The following COL19A1 variants were observed in gnomAD, a reference collection of about 807,000 sequenced individuals.
The protein encoded by COL19A1 is collagen type XIX alpha 1 chain.
A neutral mutation model predicts 190.2 loss-of-function variants in COL19A1; 159 were observed. The observed-to-expected ratio is 0.84, with a 90% CI of 0.73 to 0.95. The LOEUF (loss-of-function observed/expected upper bound fraction) is 0.95, where lower values mean the gene tolerates loss of function less well. COL19A1 is among the 40% of genes least tolerant of loss of function. COL19A1 has a pLI of 0.00. For synonymous variants in COL19A1, 509 were observed against 458.9 expected, an observed-to-expected ratio of 1.11 and a Z score of -1.39; for missense variants, 1,418 against 1,431.9, an observed-to-expected ratio of 0.99 and a Z score of 0.16.
intron 42 of COL19A1, among the ~76,000 whole-genome samples, chr6:70,179,660 A>G (rs1766039733): frequency 6.6e-6 from 1 of 152,068 alleles, no homozygotes; most frequent in African/African-American, 2.4e-5. Context: ...CCATTTCTCC[A>G]CTCCCAAAGT....
At chr6:70,124,657 A>G (rs1310491217) in intron 17 of COL19A1, among the ~76,000 whole-genome samples, 1 of 152,082 alleles carries the variant, frequency 6.6e-6, no homozygotes, top group Non-Finnish European at 1.5e-5. Context: ...ACCTAAAAGA[A>G]CCCCAGTTAT....
intron 14 of COL19A1, among the ~76,000 whole-genome samples, chr6:70,064,789 C>A (rs1368633330): frequency 7.2e-5 from 11 of 152,128 alleles, no homozygotes; most frequent in African/African-American, 2.7e-4. Flanking sequence ...GTGCAAAAAT[C>A]ACAAGCATTC....
chr6:70,032,680 A>G (rs1409799965), intron 12 of COL19A1, among the ~76,000 whole-genome samples: 1 of 152,122 alleles, frequency 6.6e-6, no homozygotes, highest in South Asian at 2.1e-4. Context: ...AGTGTTTTAT[A>G]TTCATAATAC....
At chr6:69,907,795 G>T (rs118158218) in intron 4 of COL19A1, among the ~76,000 whole-genome samples, 2 of 152,238 alleles carry the variant, frequency 1.3e-5, no homozygotes, top group South Asian at 4.1e-4. Context: ...AATGAATGCA[G>T]TCTAGTCTAG....
chr6:69,989,647 G>A (rs1776510950), intron 11 of COL19A1, among the ~76,000 whole-genome samples: 1 of 149,788 alleles, frequency 6.7e-6, no homozygotes, highest in South Asian at 2.1e-4. Context: ...GCCCAGGGAA[G>A]GCAAAAGATT....
Position 70,141,889 on chromosome 6 carries a change from A to G in COL19A1, c.1483-4A>G. 1 of 1,573,460 alleles carries G rather than the reference A, an allele frequency of 6.4e-7. No homozygotes were observed. The highest frequency in any genetic ancestry group is 8.7e-7 in the Non-Finnish European group (1 of 1,143,744). Reference sequence around the variant, plus strand: ...TACCCTTATAGTAATTATTTTATTTACAGGGAGAACCTGGGGTAATAGGAT... The same window carrying G: ...TACCCTTATAGTAATTATTTTATTTGCAGGGAGAACCTGGGGTAATAGGAT... On this transcript the variant is annotated splice_region_variant and splice_polypyrimidine_tract_variant and intron_variant, in intron 20 of 50. Transcript: ENST00000620364.
intron 16 of COL19A1, among the ~76,000 whole-genome samples, chr6:70,109,969 C>G (rs1784193107): frequency 6.6e-6 from 1 of 152,190 alleles, no homozygotes; most frequent in African/African-American, 2.4e-5. Flanking sequence ...CACTTGTGCC[C>G]CCTTATCCAT....
chr6:70,025,273 G>T (rs1407361147), intron 12 of COL19A1, among the ~76,000 whole-genome samples: 2 of 152,088 alleles, frequency 1.3e-5, no homozygotes, highest in African/African-American at 4.8e-5. Context: ...CTCGTGATCC[G>T]CCCGCGTCGG....
chr6:70,102,039 A>T, intron 15 of COL19A1, 130 bp from the exon 16 acceptor site: 1 of 791,708 alleles, frequency 1.3e-6, no homozygotes, highest in South Asian at 1.7e-5. Context: ...TTTAAAAGTC[A>T]TGTGGAATTG....
chr6:70,171,970 C>G lies in COL19A1; in HGVS notation c.2575C>G (p.Pro859Ala). 6.2e-7 allele frequency: 1 copy of G among 1,612,518 alleles called. No homozygotes were observed. The highest frequency in any genetic ancestry group is 8.5e-7 in the Non-Finnish European group (1 of 1,179,310). ...PKGDPGPVGE[P>A]GAMGLPGLEG... Reference sequence around the variant, plus strand: ...TTATGTTCATATTTAACAGGGAGAGCCTGGTGCAATGGGGTTGCCAGGATT... The same window carrying G: ...TTATGTTCATATTTAACAGGGAGAGGCTGGTGCAATGGGGTTGCCAGGATT... The change falls in exon 41 of 51, where the codon CCT becomes GCT. Residue 859 changes from proline (P) to alanine (A), a missense_variant. Transcript: ENST00000620364.
chr6:70,141,688 T>C (rs1451872508), intron 20 of COL19A1, among the ~76,000 whole-genome samples: 1 of 152,056 alleles, frequency 6.6e-6, no homozygotes, highest in African/African-American at 2.4e-5. Flanking sequence ...AAAATTATTA[T>C]AATGAAGAAA....
rs537685788 is a variant in COL19A1 at position 70,118,465 on chromosome 6, G to A, written c.1279-3415G>A. On this transcript the variant is annotated intron_variant, in intron 16 of 50. Transcript: ENST00000620364. Reference sequence around the variant, plus strand: ...TTTCTAGTCTCTGAAGGGTTCCTTCGGACCGCTAGGAGAGTTTGTATAAAG... The same window carrying A: ...TTTCTAGTCTCTGAAGGGTTCCTTCAGACCGCTAGGAGAGTTTGTATAAAG... 1.5e-3 allele frequency among the ~76,000 whole-genome samples: 222 copies of A among 152,268 alleles called. 1 individual carries two copies. Among genetic ancestry groups the A allele is most frequent in the African/African-American group, 5.1e-3 (213 of 41,560 alleles).
At chr6:70,124,575 G>A (rs527581607) in intron 17 of COL19A1, among the ~76,000 whole-genome samples, 14 of 151,428 alleles carry the variant, frequency 9.2e-5, no homozygotes, top group African/African-American at 3.4e-4. Context: ...AAAAAAATGG[G>A]CACTGACCAG....
At position 70,184,730 on chromosome 6, in the gene COL19A1, G is replaced by A. The variant is rs932966060; in HGVS notation, c.2803G>A (p.Gly935Ser). The part of the protein sequence containing the change: ...PGINGKDGIP[G>S]AQGIMGKPGD... ...AATAAATGGAAAAGATGGAATACCA[G>A]GTGCTCAGGTATGGGAAATATGATT... The change falls in exon 45 of 51, where the codon GGT becomes AGT. Residue 935 changes from glycine (G) to serine (S), a missense_variant. Coordinates refer to ENST00000620364, the MANE Select transcript of COL19A1 (RefSeq NM_001858.6). The A allele has an allele frequency of 4.4e-6, 7 of 1,599,920 alleles. No individual in the cohort carries two copies. Among genetic ancestry groups the A allele is most frequent in the Non-Finnish European group, 5.1e-6 (6 of 1,169,124 alleles).
At chr6:70,043,782 T>C (rs761862077) in intron 14 of COL19A1, among the ~76,000 whole-genome samples, 8 of 152,158 alleles carry the variant, frequency 5.3e-5, no homozygotes, top group Non-Finnish European at 1.0e-4. Context: ...ACAGGCAGGG[T>C]AAATGTAGCA....
intron 16 of COL19A1, among the ~76,000 whole-genome samples, chr6:70,111,103 T>C (rs1784259280): frequency 6.6e-6 from 1 of 152,200 alleles, no homozygotes; most frequent in South Asian, 2.1e-4. Flanking sequence ...TTGCATTTGA[T>C]GATATAGTTT....
intron 1 of COL19A1, among the ~76,000 whole-genome samples, chr6:69,874,637 G>C (rs2149936427): frequency 6.6e-6 from 1 of 152,270 alleles, no homozygotes; most frequent in East Asian, 1.9e-4. Context: ...TGTAGTCCCA[G>C]CTACTTGGGA....
chr6:70,140,341 A>T (rs1345015559), intron 19 of COL19A1, among the ~76,000 whole-genome samples: 3 of 152,110 alleles, frequency 2.0e-5, no homozygotes, highest in Non-Finnish European at 4.4e-5. Flanking sequence ...TATTATTTTT[A>T]AAATTTGTAT....
chr6:70,148,258 C>A (rs1280999359), intron 27 of COL19A1, among the ~76,000 whole-genome samples: 1 of 148,552 alleles, frequency 6.7e-6, no homozygotes, highest in Non-Finnish European at 1.5e-5. Flanking sequence ...GTGATCAGCT[C>A]CTATCCAGGA....
Sources: allele counts gnomAD v4.1 joint callset (sites outside exome capture counted in the v4.1 genomes callset), GRCh38; gene constraint gnomAD v4.1.1; transcripts MANE v1.5; gene names NCBI Gene and HGNC (gene_info 2026-07-23, HGNC 2026-07-21).